Variants in THADA observed in about 807,000 individuals in gnomAD.
THADA encodes tRNA (32-2'-O)-methyltransferase regulator THADA.
Under a neutral mutation model 219.8 loss-of-function variants are expected in THADA, and 213 were observed. The observed-to-expected ratio is 0.97, with a 90% CI of 0.87 to 1.09. THADA has a LOEUF of 1.09. THADA is among the 50% of genes least tolerant of loss of function. THADA has a pLI of 0.00. For missense variants in THADA, 2,956 were observed against 2,311.3 expected, an observed-to-expected ratio of 1.28 and a Z score of -5.72; for synonymous variants, 1,018 against 828.9, an observed-to-expected ratio of 1.23 and a Z score of -3.92.
rs529925454 is a variant in THADA at position 43,323,110 on chromosome 2, T to C, written c.4344-2570A>G. Among the ~76,000 whole-genome samples the C allele has an allele frequency of 1.0e-3, 158 of 152,262 alleles. 1 individual carries two copies. The highest frequency in any genetic ancestry group is 3.6e-3 in the African/African-American group (150 of 41,560). On this transcript the variant is annotated intron_variant, in intron 30 of 37. Coordinates refer to ENST00000405975, the MANE Select transcript of THADA (RefSeq NM_022065.5). Reference sequence around the variant, plus strand: ...TTTGGATACCATTCTATTAAGAACATAGAGATTTGCCTCATTTTCTTTTCT... The same window carrying C: ...TTTGGATACCATTCTATTAAGAACACAGAGATTTGCCTCATTTTCTTTTCT...
chr2:43,429,183 C>G (rs778450662), intron 27 of THADA, among the ~76,000 whole-genome samples: 2 of 150,144 alleles, frequency 1.3e-5, no homozygotes, highest in Admixed American at 6.6e-5. Context: ...TCTCAGCTCA[C>G]TGCAACCTCT....
chr2:43,543,095 A>G (rs888425868), intron 20 of THADA, among the ~76,000 whole-genome samples: 17 of 143,392 alleles, frequency 1.2e-4, no homozygotes, highest in South Asian at 9.0e-4. Flanking sequence ...TCATTGTTCA[A>G]TTCCCACCTA....
At chr2:43,371,022 T>C (rs1670740777) in intron 29 of THADA, among the ~76,000 whole-genome samples, 1 of 152,238 alleles carries the variant, frequency 6.6e-6, no homozygotes, top group South Asian at 2.1e-4. Flanking sequence ...TTAATGAATA[T>C]TACATTTCTG....
chr2:43,489,597 G>C (rs1687357770), intron 25 of THADA, among the ~76,000 whole-genome samples: 1 of 151,950 alleles, frequency 6.6e-6, no homozygotes, highest in African/African-American at 2.4e-5. Context: ...TTTGCATGTG[G>C]ATATCCAGTT....
chr2:43,444,368 T>A (rs1388072061), intron 26 of THADA, among the ~76,000 whole-genome samples: 1 of 152,222 alleles, frequency 6.6e-6, no homozygotes, highest in African/African-American at 2.4e-5. Context: ...GCACTAACCT[T>A]GACACCAAGA....
intron 28 of THADA, among the ~76,000 whole-genome samples, chr2:43,422,804 T>G (rs1677884411): frequency 6.6e-6 from 1 of 152,130 alleles, no homozygotes; most frequent in Non-Finnish European, 1.5e-5. Context: ...TGAGCTGCCT[T>G]GACCTCCTGG....
At chr2:43,528,951 C>T (rs1319588528) in intron 21 of THADA, among the ~76,000 whole-genome samples, 1 of 152,034 alleles carries the variant, frequency 6.6e-6, no homozygotes, top group African/African-American at 2.4e-5. Flanking sequence ...AAACTCCATA[C>T]CCATTAAAAA....
chr2:43,533,403 G>A (rs570928507), intron 21 of THADA, among the ~76,000 whole-genome samples: 14 of 152,146 alleles, frequency 9.2e-5, no homozygotes, highest in Non-Finnish European at 2.1e-4. Flanking sequence ...GTACCCAAAG[G>A]ATTATAAATC....
At chr2:43,528,045 T>C (rs1693384873) in intron 21 of THADA, 57 bp from the exon 22 acceptor site, 1 of 1,312,794 alleles carries the variant, frequency 7.6e-7, no homozygotes, top group African/African-American at 1.5e-5. Flanking sequence ...GCAAGTGTAT[T>C]TATATCAGTA....
Position 43,292,163 on chromosome 2 carries a change from A to C in THADA, c.4878T>G (p.Cys1626Trp). The C allele has an allele frequency of 6.2e-7, 1 of 1,612,556 alleles. No individual in the cohort carries two copies. The highest frequency in any genetic ancestry group is 8.5e-7 in the Non-Finnish European group (1 of 1,179,376). ...PGEWLPQTEH[C>W]VHLTPKEFLI... ...AGAACTCCTTTGGGGTCAGATGGAC[A>C]CAGTGCTCCGTCTGGGGAAGCCACT... is the stretch of plus-strand genomic sequence containing the variant. The change falls in exon 33 of 38, where the codon TGT becomes TGG. Residue 1626 changes from cysteine (C) to tryptophan (W), a missense_variant. Coordinates refer to ENST00000405975, the MANE Select transcript of THADA (RefSeq NM_022065.5).
chr2:43,275,038 A>G (rs1672570342), intron 36 of THADA, among the ~76,000 whole-genome samples: 1 of 125,828 alleles, frequency 7.9e-6, no homozygotes, highest in African/African-American at 3.2e-5. Flanking sequence ...TCTGTTGCCT[A>G]GGCTGGAGTG....
intron 31 of THADA, among the ~76,000 whole-genome samples, chr2:43,302,622 T>C (rs1676396869): frequency 6.6e-6 from 1 of 152,190 alleles, no homozygotes; most frequent in Admixed American, 6.5e-5. Flanking sequence ...TGGTGTAAGT[T>C]GCCAGCTTTT....
chr2:43,507,506 AAAAG>A lies in THADA; in HGVS notation c.3507+1138_3507+1141del, dbSNP rs1383855868. ...TGATACAGAATGGGTCAGATCAAAT[AAAAG>A]TTGATTTCTGAAGGTCACCAAAATC... On this transcript the variant is annotated intron_variant, in intron 23 of 37. Transcript: ENST00000405975. 6.6e-5 allele frequency among the ~76,000 whole-genome samples: 10 copies of A among 152,312 alleles called. No homozygotes were observed. In the East Asian group the frequency reaches 1.9e-3, roughly 29 times the overall value.
At chr2:43,316,479 G>C (rs1167495654) in intron 31 of THADA, among the ~76,000 whole-genome samples, 1 of 152,202 alleles carries the variant, frequency 6.6e-6, no homozygotes, top group African/African-American at 2.4e-5. Context: ...GACATTCTAA[G>C]CCAGGTATGT....
chr2:43,406,232 C>T (rs1453875207), intron 28 of THADA, among the ~76,000 whole-genome samples: 1 of 152,182 alleles, frequency 6.6e-6, no homozygotes, highest in Non-Finnish European at 1.5e-5. Flanking sequence ...GGAAATAAGG[C>T]AAGGAGATTT....
intron 20 of THADA, among the ~76,000 whole-genome samples, chr2:43,542,475 G>C (rs1384302907): frequency 1.3e-5 from 2 of 152,108 alleles, no homozygotes; most frequent in Non-Finnish European, 2.9e-5. Flanking sequence ...CCACCTAGTG[G>C]AGAATGTAGA....
intron 20 of THADA, among the ~76,000 whole-genome samples, chr2:43,541,865 T>C (rs1468910990): frequency 6.6e-6 from 1 of 152,212 alleles, no homozygotes; most frequent in Non-Finnish European, 1.5e-5. Context: ...ACTTGTTTAA[T>C]CTTTAATTTC....
At chr2:43,350,396 G>T (rs1668116250) in intron 29 of THADA, among the ~76,000 whole-genome samples, 1 of 152,204 alleles carries the variant, frequency 6.6e-6, no homozygotes, top group African/African-American at 2.4e-5. Flanking sequence ...GGCAAGGTGG[G>T]AAGGCAAGAG....
At chr2:43,487,738 T>C (rs1023066846) in intron 25 of THADA, among the ~76,000 whole-genome samples, 3 of 152,174 alleles carry the variant, frequency 2.0e-5, no homozygotes, top group Admixed American at 1.3e-4. Flanking sequence ...ACTTCTACCA[T>C]GTGAGGACAC....
Sources: gnomAD v4.1 joint callset for allele counts (sites outside exome capture counted in the v4.1 genomes callset) on GRCh38, gnomAD v4.1.1 for gene constraint, MANE v1.5 for transcripts, NCBI Gene and HGNC (gene_info 2026-07-23, HGNC 2026-07-21) for gene names.